Variants in MECOM observed in about 807,000 individuals in gnomAD.
MECOM encodes the protein MDS1 and EVI1 complex locus.
MECOM carries 13 observed loss-of-function variants against 116.3 expected under a neutral mutation model. The observed-to-expected ratio is 0.11, with a 90% CI of 0.07 to 0.18. The LOEUF (loss-of-function observed/expected upper bound fraction) is 0.18. Among genes scored for constraint, MECOM ranks in the 10% least tolerant of loss-of-function variants. The probability of loss-of-function intolerance (pLI) is 1.00; values close to 1 mark genes in which losing one functional copy is unlikely to be tolerated. For missense variants in MECOM, 1,299 were observed against 1,509.0 expected (o/e 0.86, Z 2.31); for synonymous variants, 528 against 535.2 (o/e 0.99, Z 0.19).
At chr3:169,353,525 A>C (rs530946136) in intron 2 of MECOM, among the ~76,000 whole-genome samples, 1 of 151,934 alleles carries the variant, frequency 6.6e-6, no homozygotes, top group South Asian at 2.1e-4. Context: ...TCATCTCCTG[A>C]TGCTACTCCA....
At chr3:169,517,507 A>C (rs372256046) in intron 1 of MECOM, among the ~76,000 whole-genome samples, 1 of 152,260 alleles carries the variant, frequency 6.6e-6, no homozygotes, top group Non-Finnish European at 1.5e-5. Context: ...AAGAGGGAGC[A>C]GGGAAGGAAA....
Position 169,107,955 on chromosome 3 carries a change from G to A in MECOM, c.2578-3C>T. ...GTTCTCTGATCAGGCAGTTGGAACTGGGAGCAAAATTGAAACAAAAACAAA... is the reference window on the plus strand; with the variant it reads ...GTTCTCTGATCAGGCAGTTGGAACTAGGAGCAAAATTGAAACAAAAACAAA... On this transcript the variant is annotated splice_polypyrimidine_tract_variant and splice_region_variant and intron_variant, in intron 9 of 16. Coordinates refer to ENST00000651503, the MANE Select transcript of MECOM (RefSeq NM_004991.4). 1 of 1,612,400 alleles carries A rather than the reference G, an allele frequency of 6.2e-7. No individual in the cohort carries two copies.
chr3:169,172,443 G>A (rs5010889), intron 2 of MECOM, among the ~76,000 whole-genome samples: 52,197 of 148,612 alleles, frequency 0.35, 10,096 homozygotes, highest in Middle Eastern at 0.51. Flanking sequence ...GTGTGTGTGT[G>A]TATACATATA....
intron 2 of MECOM, among the ~76,000 whole-genome samples, chr3:169,154,818 A>G (rs569294745): frequency 5.3e-5 from 8 of 152,202 alleles, no homozygotes; most frequent in Non-Finnish European, 1.2e-4. Context: ...CTCAGCCTAT[A>G]ATTTATTTTG....
chr3:169,326,945 G>A (rs1488975041), intron 2 of MECOM, among the ~76,000 whole-genome samples: 1 of 152,148 alleles, frequency 6.6e-6, no homozygotes, highest in Non-Finnish European at 1.5e-5. Flanking sequence ...ATGAGCTTCT[G>A]GAAGATTATT....
At chr3:169,389,539 A>G (rs1443216381) in intron 1 of MECOM, 1 of 985,060 alleles carries the variant, frequency 1.0e-6, no homozygotes, top group Non-Finnish European at 1.2e-6. Flanking sequence ...AATTTTTGAG[A>G]GACTTTTAGC....
chr3:169,485,924 GTA>G lies in MECOM; in HGVS notation c.38-104402_38-104401del, dbSNP rs1560340184. Among the ~76,000 whole-genome samples, 2 of 107,490 alleles carry G rather than the reference GTA, an allele frequency of 1.9e-5. 1 individual carries two copies. Among genetic ancestry groups the G allele is most frequent in the East Asian group, 5.9e-4 (2 of 3,366 alleles). 70.5% of individuals were successfully genotyped at this position (107,490 alleles called of 152,430 possible). ...TATAGTATATATGTATGTATATATA[GTA>G]TATATAGTATATATGTATGTATATA... is the stretch of plus-strand genomic sequence containing the variant. On this transcript the variant is annotated intron_variant, in intron 1 of 16. Coordinates refer to ENST00000651503, the MANE Select transcript of MECOM (RefSeq NM_004991.4).
At chr3:169,642,446 C>CAA (rs397950899) in intron 1 of MECOM, among the ~76,000 whole-genome samples, 23 of 69,444 alleles carry the variant, frequency 3.3e-4, no homozygotes, top group African/African-American at 5.1e-4. Context: ...GACTCCATCT[C>CAA]AAAAAAAAAA....
At chr3:169,563,795 A>G (rs1762928335) in intron 1 of MECOM, among the ~76,000 whole-genome samples, 1 of 152,200 alleles carries the variant, frequency 6.6e-6, no homozygotes, top group African/African-American at 2.4e-5. Flanking sequence ...AAGCTGAGTC[A>G]GTTCTCAAAA....
chr3:169,485,983 T>C (rs1752253875), intron 1 of MECOM, among the ~76,000 whole-genome samples: 1 of 106,050 alleles, frequency 9.4e-6, no homozygotes, highest in Non-Finnish European at 1.8e-5. Flanking sequence ...CATATATATA[T>C]AGTATATATA....
At chr3:169,221,555 G>A (rs988646645) in intron 2 of MECOM, among the ~76,000 whole-genome samples, 13 of 144,948 alleles carry the variant, frequency 9.0e-5, no homozygotes, top group Admixed American at 2.0e-4. Flanking sequence ...TTTTGGAGAC[G>A]TAAAGAGATG....
rs540953405 is a variant in MECOM at position 169,437,116 on chromosome 3, G to C, written c.38-55592C>G. Among the ~76,000 whole-genome samples the C allele has an allele frequency of 5.9e-5, 9 of 152,262 alleles. No individual in the cohort carries two copies. The East Asian group carries it at 1.7e-3, about 29-fold the overall frequency. ...TTGACTTTATGATTCACACAGCTCT[G>C]TAACTAGATTTCATTATTTTCTCCA... On this transcript the variant is annotated intron_variant, in intron 1 of 16. Coordinates refer to ENST00000651503, the MANE Select transcript of MECOM (RefSeq NM_004991.4).
At chr3:169,316,994 A>G (rs1719858351) in intron 2 of MECOM, among the ~76,000 whole-genome samples, 1 of 152,242 alleles carries the variant, frequency 6.6e-6, no homozygotes, top group South Asian at 2.1e-4. Context: ...AAATTAGATC[A>G]AAAAGGGCAT....
intron 2 of MECOM, among the ~76,000 whole-genome samples, chr3:169,185,114 A>C (rs189269505): frequency 2.0e-5 from 3 of 152,200 alleles, no homozygotes; most frequent in African/African-American, 7.2e-5. Context: ...GATATTAAGC[A>C]AGAGGGTAGA....
At chr3:169,433,486 C>T (rs1741989292) in intron 1 of MECOM, among the ~76,000 whole-genome samples, 1 of 143,944 alleles carries the variant, frequency 6.9e-6, no homozygotes, top group South Asian at 2.2e-4. Flanking sequence ...AAAAGAAAGA[C>T]AGACAGACAG....
intron 2 of MECOM, among the ~76,000 whole-genome samples, chr3:169,312,028 C>G (rs899173009): frequency 2.6e-5 from 4 of 152,146 alleles, no homozygotes; most frequent in Non-Finnish European, 5.9e-5. Flanking sequence ...GGAGCTGGGC[C>G]CAGACCACGC....
intron 1 of MECOM, among the ~76,000 whole-genome samples, chr3:169,590,554 A>G (rs1766288016): frequency 6.6e-6 from 1 of 152,232 alleles, no homozygotes; most frequent in Admixed American, 6.5e-5. Flanking sequence ...GGCCTGTCAC[A>G]TAGGTACAAA....
chr3:169,305,152 C>T (rs1265054569), intron 2 of MECOM, among the ~76,000 whole-genome samples: 1 of 151,958 alleles, frequency 6.6e-6, no homozygotes, highest in Admixed American at 6.6e-5. Context: ...CCCTGAAAAC[C>T]GCATTTTTAT....
intron 2 of MECOM, among the ~76,000 whole-genome samples, chr3:169,299,057 C>T (rs1716185501): frequency 6.6e-6 from 1 of 152,028 alleles, no homozygotes. Context: ...ATTTAAGGAG[C>T]AAAGACTCAG....
Sources: gnomAD v4.1 joint callset for allele counts (sites outside exome capture counted in the v4.1 genomes callset) on GRCh38, gnomAD v4.1.1 for gene constraint, MANE v1.5 for transcripts, NCBI Gene and HGNC (gene_info 2026-07-23, HGNC 2026-07-21) for gene names.